Variants in VRTN observed in about 807,000 individuals in gnomAD.
VRTN encodes vertnin.
Under a neutral mutation model 18.2 loss-of-function variants are expected in VRTN, and 5 were observed. The ratio of observed to expected loss-of-function variants is 0.27; its 90% CI spans 0.14 to 0.58. VRTN has a LOEUF of 0.58. VRTN is among the 20% of genes least tolerant of loss of function. The pLI, the probability that VRTN is intolerant of heterozygous loss-of-function variation, is 0.91. For missense variants in VRTN, 741 were observed against 939.4 expected (o/e 0.79, Z 2.76); for synonymous variants, 381 against 393.7 (o/e 0.97, Z 0.38).
At chr14:74,331,569 T>C (rs2085525930) in intron 1 of VRTN, among the ~76,000 whole-genome samples, 1 of 83,764 alleles carries the variant, frequency 1.2e-5, no homozygotes, top group African/African-American at 4.7e-5. Flanking sequence ...TATATATATA[T>C]ATATATATAT....
Position 74,330,150 on chromosome 14 carries a change from C to G in VRTN, c.-163-7573C>G, listed in dbSNP as rs1363186505. Among the ~76,000 whole-genome samples the G allele has an allele frequency of 2.0e-5, 3 of 151,916 alleles. No homozygotes were observed. In the South Asian group the frequency reaches 6.2e-4, roughly 32 times the overall value. ...TCGGCCTCCCAGAGTGCTAGGATTA[C>G]AGGTGTGAGCCACTGTGCCGGGCCT... On this transcript the variant is annotated intron_variant, in intron 1 of 2. Coordinates refer to the VRTN transcript ENST00000557177.
At chr14:74,339,923 T>C (rs1011206973) in intron 2 of VRTN, among the ~76,000 whole-genome samples, 2 of 152,176 alleles carry the variant, frequency 1.3e-5, no homozygotes, top group African/African-American at 2.4e-5. Context: ...TGTTGTGTTG[T>C]AGAATGAATG....
chr14:74,328,364 C>A (rs1272265060), intron 1 of VRTN, among the ~76,000 whole-genome samples: 2 of 152,088 alleles, frequency 1.3e-5, no homozygotes, highest in Non-Finnish European at 2.9e-5. Flanking sequence ...CACAATACTC[C>A]CAAGTATGTA....
chr14:74,307,118 A>G (rs1030561206), intron 1 of VRTN, among the ~76,000 whole-genome samples: 3 of 143,826 alleles, frequency 2.1e-5, no homozygotes, highest in Non-Finnish European at 4.5e-5. Context: ...CAAGTAATAC[A>G]TTCTTAACTG....
chr14:74,330,441 CTT>C (rs34686412), intron 1 of VRTN, among the ~76,000 whole-genome samples: 22 of 137,950 alleles, frequency 1.6e-4, no homozygotes, highest in Admixed American at 2.2e-4. Context: ...CAGTATCAAA[CTT>C]TTTTTTTTTT....
chr14:74,351,749 G>A (rs2085686186), intron 1 of VRTN, among the ~76,000 whole-genome samples: 1 of 151,932 alleles, frequency 6.6e-6, no homozygotes, highest in Admixed American at 6.6e-5. Flanking sequence ...CCAAAGTTCT[G>A]GGATTACAGG....
intron 1 of VRTN, among the ~76,000 whole-genome samples, chr14:74,328,415 CA>C (rs985283585): frequency 2.4e-4 from 36 of 152,194 alleles, no homozygotes; most frequent in African/African-American, 8.7e-4. Context: ...TCAATTACCC[CA>C]AAATAAAAAT....
At chr14:74,318,765 G>A (rs1046711241) in intron 1 of VRTN, among the ~76,000 whole-genome samples, 1 of 144,340 alleles carries the variant, frequency 6.9e-6, no homozygotes, top group Non-Finnish European at 1.5e-5. Flanking sequence ...TCAGGGTGGA[G>A]TGCAATGGCC....
intron 2 of VRTN, among the ~76,000 whole-genome samples, chr14:74,340,320 C>T (rs920240488): frequency 6.6e-6 from 1 of 152,166 alleles, no homozygotes; most frequent in Admixed American, 6.5e-5. Flanking sequence ...CCATGTTGGT[C>T]AGGCTGGTCT....
chr14:74,326,832 C>T (rs998722991), intron 1 of VRTN, among the ~76,000 whole-genome samples: 15 of 152,116 alleles, frequency 9.9e-5, no homozygotes, highest in East Asian at 9.6e-4. Flanking sequence ...GACCCCAGGA[C>T]GCTCCTCCTC....
chr14:74,340,195 C>T (rs1293874165), intron 2 of VRTN, among the ~76,000 whole-genome samples: 1 of 151,444 alleles, frequency 6.6e-6, no homozygotes, highest in Non-Finnish European at 1.5e-5. Flanking sequence ...TCACCGCAAC[C>T]TCCGCCTCCC....
chr14:74,332,346 T>G lies in VRTN; in HGVS notation c.-163-5377T>G, dbSNP rs907050368. On this transcript the variant is annotated intron_variant, in intron 1 of 2. Transcript: ENST00000557177. ...TCGACTCCTAATCTGTTTTTTTTTT[T>G]TTTTTTTTTTTTTTTTTTTTTTTTT... Among the ~76,000 whole-genome samples the G allele has an allele frequency of 1.7e-4, 5 of 30,036 alleles. No individual in the cohort carries two copies. The East Asian group carries it at 7.4e-3, about 44-fold the overall frequency. The allele number at this position is 30,036 out of a possible 152,430, so 19.7% of individuals were successfully genotyped here. A position where few individuals can be genotyped will look rare whatever the true frequency, so the allele number is the denominator to read the frequency against.
chr14:74,359,217 A>C lies in VRTN; in HGVS notation c.*325A>C. 1.5e-5 allele frequency: 4 copies of C among 268,446 alleles called. No homozygotes were observed. Among genetic ancestry groups the C allele is most frequent in the Non-Finnish European group, 1.5e-5 (2 of 134,936 alleles). The allele number at this position is 268,446 out of a possible 1,614,324, so 16.6% of individuals were successfully genotyped here. ...CTTGCTGGAGTTGGAAGCCGTATGT[A>C]TGTCAGGGGGTTTAGAGGGGGGTTG... On this transcript the variant is annotated 3_prime_UTR_variant, in exon 2 of 2. Coordinates refer to ENST00000256362, the MANE Select transcript of VRTN (RefSeq NM_018228.3).
chr14:74,324,779 C>G (rs954112571), intron 1 of VRTN, among the ~76,000 whole-genome samples: 1 of 151,896 alleles, frequency 6.6e-6, no homozygotes, highest in Non-Finnish European at 1.5e-5. Context: ...CCCAGCTACT[C>G]AGGAGGCTGA....
chr14:74,303,358 C>A (rs1012703749), intron 1 of VRTN, among the ~76,000 whole-genome samples: 1 of 152,170 alleles, frequency 6.6e-6, no homozygotes, highest in African/African-American at 2.4e-5. Flanking sequence ...CAAGACCAGC[C>A]TGGGCAACAT....
chr14:74,357,963 G>A lies in VRTN; in HGVS notation c.1180G>A (p.Val394Met). Reference protein sequence around the residue: ...EEELECSALAVSSPGMVLMQR... With the variant: ...EEELECSALAMSSPGMVLMQR... ...GGAGCTGGAGTGCTCCGCACTGGCGGTGTCAAGCCCTGGAATGGTCTTAAT... is the reference window on the plus strand; with the variant it reads ...GGAGCTGGAGTGCTCCGCACTGGCGATGTCAAGCCCTGGAATGGTCTTAAT... Residue 394 changes from valine to methionine, a missense_variant, in exon 2 of 2, where the codon GTG (valine) becomes ATG (methionine). Physicochemically the swap from Val to Met is conservative, Grantham distance 21. Around this residue, in one of 3 missense-constraint regions of VRTN, gnomAD observed 494 missense variants for 546.5 expected, o/e 0.90. Coordinates refer to ENST00000256362, the MANE Select transcript of VRTN (RefSeq NM_018228.3). This position sits in a 1 kb window ranked among gnomAD's most constrained non-coding sequence, Gnocchi z 7.8. The A allele has an allele frequency of 6.2e-7, 1 of 1,614,246 alleles. No individual in the cohort carries two copies. Among genetic ancestry groups the A allele is most frequent in the South Asian group, 1.1e-5 (1 of 91,092 alleles).
intron 1 of VRTN, among the ~76,000 whole-genome samples, chr14:74,330,158 A>G (rs1053672335): frequency 4.0e-5 from 6 of 151,856 alleles, no homozygotes; most frequent in Admixed American, 2.0e-4. Flanking sequence ...TACAGGTGTG[A>G]GCCACTGTGC....
At chr14:74,338,748 C>T (rs553545647) in intron 2 of VRTN, among the ~76,000 whole-genome samples, 7 of 149,162 alleles carry the variant, frequency 4.7e-5, no homozygotes, top group Admixed American at 6.7e-5. Context: ...TTTTTGAGAT[C>T]GAGTCTCACT....
intron 1 of VRTN, among the ~76,000 whole-genome samples, chr14:74,310,527 G>T (rs541056425): frequency 6.8e-6 from 1 of 146,746 alleles, no homozygotes; most frequent in Non-Finnish European, 1.5e-5. Flanking sequence ...GGGGCATGCT[G>T]CCTCTGTTTT....
Sources: gnomAD v4.1 joint callset for allele counts (sites outside exome capture counted in the v4.1 genomes callset) on GRCh38, gnomAD v4.1.1 for gene constraint, gnomAD v4.1.1 regional missense constraint, Gnocchi (gnomAD v3.1) non-coding constraint, MANE v1.5 for transcripts, NCBI Gene and HGNC (gene_info 2026-07-23, HGNC 2026-07-21) for gene names.